Variants in GALNT13 observed in about 807,000 individuals in gnomAD.
GALNT13 encodes the protein UDP-GalNAc:polypeptide N-acetylgalactosaminyltransferase 13.
GALNT13 carries 28 observed loss-of-function variants against 64.2 expected under a neutral mutation model. The ratio of observed to expected loss-of-function variants is 0.44; its 90% CI spans 0.32 to 0.60. GALNT13 has a LOEUF of 0.60. Among genes scored for constraint, GALNT13 ranks in the 20% least tolerant of loss-of-function variants. The pLI, the probability that GALNT13 is intolerant of heterozygous loss-of-function variation, is 0.05. For synonymous variants in GALNT13, 214 were observed against 224.6 expected (o/e 0.95, Z 0.42); for missense variants, 577 against 669.8 (o/e 0.86, Z 1.53).
chr2:153,535,694 A>C, the GALNT13 span, among the ~76,000 whole-genome samples: 1 of 152,172 alleles, frequency 6.6e-6, no homozygotes, highest in Admixed American at 6.5e-5. Context: ...GTCCTTTTTA[A>C]GTTGGTGGCT....
At chr2:154,061,040 C>CTTCTTAGCT (rs138909247) in intron 3 of GALNT13, among the ~76,000 whole-genome samples, 113,007 of 151,304 alleles carry the variant, frequency 0.75, 42,547 homozygotes, top group East Asian at 0.96. Context: ...GTCTTCTTAG[C>CTTCTTAGCT]TTATATATAT....
chr2:153,898,250 A>G (rs974604048), intron 1 of GALNT13, among the ~76,000 whole-genome samples: 7 of 152,148 alleles, frequency 4.6e-5, no homozygotes, highest in Admixed American at 1.3e-4. Flanking sequence ...TGTGTGTTTT[A>G]ATTTGTTTTT....
intron 3 of GALNT13, among the ~76,000 whole-genome samples, chr2:154,072,427 T>C (rs1700780249): frequency 6.6e-6 from 1 of 152,138 alleles, no homozygotes; most frequent in South Asian, 2.1e-4. Context: ...GTTTAGCTTA[T>C]AGTTTGTTTT....
chr2:154,120,000 A>G (rs1057362049), intron 3 of GALNT13, among the ~76,000 whole-genome samples: 11 of 152,054 alleles, frequency 7.2e-5, no homozygotes, highest in Admixed American at 2.0e-4. Context: ...ATTCCTCATA[A>G]TTCTTGTTTC....
the GALNT13 span, among the ~76,000 whole-genome samples, chr2:153,707,235 A>G: frequency 0.12 from 18,823 of 152,120 alleles, 1,847 homozygotes; most frequent in African/African-American, 0.27. Context: ...GGACTAATAC[A>G]AAGAGCTGGA....
chr2:153,675,183 A>G, the GALNT13 span, among the ~76,000 whole-genome samples: 3 of 152,234 alleles, frequency 2.0e-5, no homozygotes, highest in East Asian at 3.9e-4. Context: ...TGGCCCAGCA[A>G]TCCCATTACT....
chr2:153,426,583 C>A, the GALNT13 span, among the ~76,000 whole-genome samples: 8 of 152,018 alleles, frequency 5.3e-5, no homozygotes, highest in African/African-American at 1.9e-4. Flanking sequence ...ACATCACGTT[C>A]ATGTGCATAT....
chr2:153,569,240 T>C, the GALNT13 span, among the ~76,000 whole-genome samples: 1 of 152,184 alleles, frequency 6.6e-6, no homozygotes, highest in South Asian at 2.1e-4. Flanking sequence ...TCTATTACTA[T>C]AATTTTAGCC....
chr2:154,236,480 T>C (rs887381537), intron 4 of GALNT13, among the ~76,000 whole-genome samples: 3 of 152,080 alleles, frequency 2.0e-5, no homozygotes, highest in Non-Finnish European at 4.4e-5. Flanking sequence ...CAGCCAAGAT[T>C]AAGAGCCACA....
the GALNT13 span, among the ~76,000 whole-genome samples, chr2:153,427,361 A>T: frequency 6.6e-6 from 1 of 152,172 alleles, no homozygotes; most frequent in African/African-American, 2.4e-5. Context: ...GAGAAAATCT[A>T]TCAGAGTTTG....
At chr2:153,498,783 G>T in the GALNT13 span, among the ~76,000 whole-genome samples, 139 of 152,310 alleles carry the variant, frequency 9.1e-4, 1 homozygote, top group Middle Eastern at 3.4e-3. Flanking sequence ...AGCAGGGTTG[G>T]GGGGTGTGTT....
chr2:153,287,305 C>A, the GALNT13 span, among the ~76,000 whole-genome samples: 1 of 152,148 alleles, frequency 6.6e-6, no homozygotes, highest in East Asian at 1.9e-4. Flanking sequence ...CCCCCGAAAC[C>A]CCGGTGGGCG....
chr2:154,051,008 T>C (rs1450301701), intron 3 of GALNT13, among the ~76,000 whole-genome samples: 1 of 152,156 alleles, frequency 6.6e-6, no homozygotes, highest in East Asian at 1.9e-4. Flanking sequence ...AACTCTGAAA[T>C]AGAAAGTCTT....
intron 3 of GALNT13, among the ~76,000 whole-genome samples, chr2:154,134,057 T>A (rs1682806411): frequency 6.6e-6 from 1 of 152,108 alleles, no homozygotes; most frequent in Non-Finnish European, 1.5e-5. Flanking sequence ...GAAGTTTTTA[T>A]GAGCCTGGCT....
At chr2:154,332,112 A>G (rs534664576) in intron 9 of GALNT13, among the ~76,000 whole-genome samples, 1 of 152,250 alleles carries the variant, frequency 6.6e-6, no homozygotes, top group African/African-American at 2.4e-5. Context: ...AGCAATCCAG[A>G]CACACTTAGC....
chr2:154,106,680 T>G (rs1702633256), intron 3 of GALNT13, among the ~76,000 whole-genome samples: 3 of 151,960 alleles, frequency 2.0e-5, no homozygotes, highest in African/African-American at 4.8e-5. Context: ...TTTTCTTTAA[T>G]GTTGTGTTCC....
At chr2:153,835,445 G>A in the GALNT13 span, among the ~76,000 whole-genome samples, 1 of 151,860 alleles carries the variant, frequency 6.6e-6, no homozygotes, top group Non-Finnish European at 1.5e-5. Context: ...ACCAGTGATA[G>A]TTTGAGTAAT....
intron 9 of GALNT13, among the ~76,000 whole-genome samples, chr2:154,328,202 G>T (rs1417852490): frequency 1.3e-5 from 2 of 152,020 alleles, no homozygotes; most frequent in Admixed American, 1.3e-4. Context: ...TGCTGCTAGG[G>T]TTAAGTGCTA....
At chr2:154,078,359 C>T (rs1381341232) in intron 3 of GALNT13, among the ~76,000 whole-genome samples, 3 of 151,304 alleles carry the variant, frequency 2.0e-5, no homozygotes, top group Non-Finnish European at 3.0e-5. Flanking sequence ...AAATTATGTT[C>T]TTATTGTATA....
Sources: gnomAD v4.1 joint callset for allele counts (sites outside exome capture counted in the v4.1 genomes callset) on GRCh38, gnomAD v4.1.1 for gene constraint, MANE v1.5 for transcripts, NCBI Gene and HGNC (gene_info 2026-07-23, HGNC 2026-07-21) for gene names.